NPR2: variants seen among roughly 807,000 people sequenced by gnomAD.
NPR2 encodes natriuretic peptide receptor 2.
NPR2 carries 49 observed loss-of-function variants against 120.7 expected under a neutral mutation model. That is an observed-to-expected ratio of 0.41 (90% CI 0.32 to 0.52). The LOEUF (loss-of-function observed/expected upper bound fraction) is 0.52, where lower values mean the gene tolerates loss of function less well. NPR2 is among the 20% of genes least tolerant of loss of function. The pLI, the probability that NPR2 is intolerant of heterozygous loss-of-function variation, is 0.36. For missense variants in NPR2, 931 were observed against 1,362.9 expected (o/e 0.68, Z 4.99); for synonymous variants, 484 against 519.8 (o/e 0.93, Z 0.94).
In NPR2 at chr9:35,800,732, T is replaced by A. The variant is rs1828119136; in HGVS notation, c.1242T>A (p.Ala414=). Residue 414 remains alanine, a synonymous_variant, in exon 6 of 22, where the codon GCT becomes GCA. Transcript: ENST00000342694. The surrounding 1 kb of genome is among the most constrained non-coding windows in gnomAD (Gnocchi z 4.7). ...AGCCTGCAGCCCACTACTCGGGAGCTGAGAAGCAGATTTGGTGGACGGGAC... is the reference window on the plus strand; with the variant it reads ...AGCCTGCAGCCCACTACTCGGGAGCAGAGAAGCAGATTTGGTGGACGGGAC... ...DFQPAAHYSG[A]EKQIWWTGRP... is the part of the protein sequence containing the mutation. The A allele has an allele frequency of 6.2e-7, 1 of 1,614,030 alleles. No homozygotes were observed. Among genetic ancestry groups the A allele is most frequent in the Non-Finnish European group, 8.5e-7 (1 of 1,180,020 alleles).
At chr9:35,803,780 T>C (rs1270168994) in intron 12 of NPR2, among the ~76,000 whole-genome samples, 2 of 152,270 alleles carry the variant, frequency 1.3e-5, no homozygotes, top group Non-Finnish European at 2.9e-5. Context: ...TTTGGTTTTC[T>C]GCTGAATTCT....
chr9:35,796,879 T>A (rs138056603), intron 2 of NPR2, among the ~76,000 whole-genome samples: 2 of 152,262 alleles, frequency 1.3e-5, no homozygotes, highest in Non-Finnish European at 2.9e-5. Flanking sequence ...CCAGAGACAC[T>A]GGCCCTCTGA....
Position 35,805,664 on chromosome 9 carries a change from T to C in NPR2, c.2041T>C (p.Tyr681His). The C allele has an allele frequency of 1.2e-6, 2 of 1,614,060 alleles. No individual in the cohort carries two copies. The highest frequency in any genetic ancestry group is 1.7e-6 in the Non-Finnish European group (2 of 1,180,030). The change falls in exon 13 of 22, where the codon TAT (tyrosine) becomes CAT (histidine). Residue 681 changes from tyrosine to histidine, a missense_variant. This residue lies in a region of NPR2 where 681 missense variants were observed against 974.3 expected (regional missense o/e 0.70). Transcript: ENST00000342694. This position sits in a 1 kb window ranked among gnomAD's most constrained non-coding sequence, Gnocchi z 4.9. ...TAEPDDSHALYAKKLWTAPEL... is the reference protein window; with the variant it reads ...TAEPDDSHALHAKKLWTAPEL... Reference sequence around the variant, plus strand: ...TGAACCTGATGACAGCCATGCCCTCTATGCCAGTGAGGCCCACCCCCACAA... The same window carrying C: ...TGAACCTGATGACAGCCATGCCCTCCATGCCAGTGAGGCCCACCCCCACAA...
Position 35,805,986 on chromosome 9 carries a change from G to A in NPR2, c.2203+1G>A, listed in dbSNP as rs1828360222. ...GAGGGCCTGGACCTCAGCCCCAAAG[G>A]TAAGAGTCAATCCACTACCCACAGC... On this transcript the variant is annotated splice_donor_variant, in intron 14 of 21. Transcript: ENST00000342694. LOFTEE classifies it high-confidence loss of function. This position sits in a 1 kb window ranked among gnomAD's most constrained non-coding sequence, Gnocchi z 4.9. 1 of 1,614,064 alleles carries A rather than the reference G, an allele frequency of 6.2e-7. No homozygotes were observed.
Position 35,806,054 on chromosome 9 carries a change from A to C in NPR2, c.2204-11A>C. ...ACTCTGTTCTTCATCCAAACCTTTG[A>C]TCACCCTCAGAGATTGTCCAGAAGG... On this transcript the variant is annotated splice_polypyrimidine_tract_variant and intron_variant, in intron 14 of 21. Coordinates refer to ENST00000342694, the MANE Select transcript of NPR2 (RefSeq NM_003995.4). This position sits in a 1 kb window ranked among gnomAD's most constrained non-coding sequence, Gnocchi z 4.6. 1 of 1,614,110 alleles carries C rather than the reference A, an allele frequency of 6.2e-7. No homozygotes were observed. Among genetic ancestry groups the C allele is most frequent in the Non-Finnish European group, 8.5e-7 (1 of 1,180,032 alleles).
Position 35,792,509 on chromosome 9 carries a change from A to G in NPR2, c.101A>G (p.His34Arg), listed in dbSNP as rs764593059. The G allele has an allele frequency of 6.2e-7, 1 of 1,610,576 alleles. No individual in the cohort carries two copies. The highest frequency in any genetic ancestry group is 8.5e-7 in the Non-Finnish European group (1 of 1,179,918). Residue 34 changes from histidine to arginine, a missense_variant, in exon 1 of 22, where the codon CAC (histidine) becomes CGC (arginine). By Grantham distance (29) the His-to-Arg change is conservative. This residue lies in a region of NPR2 where 681 missense variants were observed against 974.3 expected (regional missense o/e 0.70). Coordinates refer to ENST00000342694, the MANE Select transcript of NPR2 (RefSeq NM_003995.4). The part of the protein sequence containing the change: ...NLTLAVVLPE[H>R]NLSYAWAWPR... ...ACGCTGGCGGTGGTGCTGCCAGAAC[A>G]CAACCTGAGCTATGCCTGGGCCTGG...
In NPR2 at chr9:35,792,544, G is replaced by C; in HGVS notation, c.136G>C (p.Gly46Arg). Reference protein sequence around the residue: ...LSYAWAWPRVGPAVALAVEAL... With the variant: ...LSYAWAWPRVRPAVALAVEAL... Reference sequence around the variant, plus strand: ...CTATGCCTGGGCCTGGCCACGGGTGGGACCCGCTGTGGCACTAGCTGTGGA... The same window carrying C: ...CTATGCCTGGGCCTGGCCACGGGTGCGACCCGCTGTGGCACTAGCTGTGGA... The change falls in exon 1 of 22, where the codon GGA becomes CGA. Residue 46 changes from glycine (G) to arginine (R), a missense_variant. Gly to Arg is a moderately radical substitution (Grantham distance 125). Coordinates refer to ENST00000342694, the MANE Select transcript of NPR2 (RefSeq NM_003995.4). The C allele has an allele frequency of 6.2e-7, 1 of 1,611,540 alleles. No individual in the cohort carries two copies. Among genetic ancestry groups the C allele is most frequent in the Non-Finnish European group, 8.5e-7 (1 of 1,179,940 alleles).
At chr9:35,794,235 C>G (rs1827879250) in intron 2 of NPR2, 132 bp downstream of exon 2, 1 of 782,672 alleles carries the variant, frequency 1.3e-6, no homozygotes, top group Non-Finnish European at 2.0e-6. Flanking sequence ...TGAACAGAGG[C>G]ATTCTGAGTC....
Position 35,800,063 on chromosome 9 carries a change from A to G in NPR2, c.1029A>G (p.Leu343=), listed in dbSNP as rs761205421. The change falls in exon 4 of 22, where the codon CTA becomes CTG. Residue 343 remains leucine (L), a synonymous_variant. Transcript: ENST00000342694. This position sits in a 1 kb window ranked among gnomAD's most constrained non-coding sequence, Gnocchi z 4.7. ...IAGCFYDGIL[L]YAEVLNETIQ... is the part of the protein sequence containing the mutation. ...GCTGCTTCTATGATGGGATCCTGCT[A>G]TATGCTGAAGTCCTGAATGAGACAA... 2 of 1,614,172 alleles carry G rather than the reference A, an allele frequency of 1.2e-6. No individual in the cohort carries two copies. Among genetic ancestry groups the G allele is most frequent in the South Asian group, 1.1e-5 (1 of 91,080 alleles).
rs569978848 is a variant in NPR2 at position 35,808,422 on chromosome 9, A to C, written c.2713-87A>C. 6.8e-7 allele frequency: 1 copy of C among 1,468,056 alleles called. No individual in the cohort carries two copies. Among genetic ancestry groups the C allele is most frequent in the Non-Finnish European group, 9.5e-7 (1 of 1,051,814 alleles). 90.9% of individuals were successfully genotyped at this position (1,468,056 alleles called of 1,614,324 possible). On this transcript the variant is annotated intron_variant, in intron 18 of 21. Transcript: ENST00000342694. The surrounding 1 kb of genome is among the most constrained non-coding windows in gnomAD (Gnocchi z 4.0). Reference sequence around the variant, plus strand: ...GGTCTCCAGCATGTCAGGATGATTAATGATGGTGTCAAGCTTGTCTCCCTC... The same window carrying C: ...GGTCTCCAGCATGTCAGGATGATTACTGATGGTGTCAAGCTTGTCTCCCTC...
chr9:35,807,459 AG>A, intron 18 of NPR2, 61 bp downstream of exon 18: 1 of 1,334,828 alleles, frequency 7.5e-7, no homozygotes, highest in East Asian at 2.3e-5. Flanking sequence ...TTTGAAACTC[AG>A]TCTCCCTGAA....
intron 8 of NPR2, 35 bp from the exon 9 acceptor site, chr9:35,801,891 T>G: frequency 6.2e-7 from 1 of 1,611,770 alleles, no homozygotes; most frequent in Non-Finnish European, 8.5e-7. Context: ...AATGTTCCTT[T>G]CATCCTTCCG....
At position 35,792,172 on chromosome 9, in the gene NPR2, C is replaced by A; in HGVS notation, c.-237C>A. 1 of 416,168 alleles carries A rather than the reference C, an allele frequency of 2.4e-6. No homozygotes were observed. Among genetic ancestry groups the A allele is most frequent in the Non-Finnish European group, 4.5e-6 (1 of 224,296 alleles). 25.8% of individuals were successfully genotyped at this position (416,168 alleles called of 1,614,324 possible). On this transcript the variant is annotated 5_prime_UTR_variant, in exon 1 of 22. Transcript: ENST00000342694. The stretch of plus-strand genomic sequence containing the variant: ...CCCTCCCTCCCCCTGCCACCCCGTT[C>A]TCAGTCCTCAGTCCTTGCCCTAGGC...
chr9:35,806,063 A>G lies in NPR2; in HGVS notation c.2204-2A>G. 6.2e-7 allele frequency: 1 copy of G among 1,614,146 alleles called. No individual in the cohort carries two copies. The highest frequency in any genetic ancestry group is 8.5e-7 in the Non-Finnish European group (1 of 1,180,030). ...TTCATCCAAACCTTTGATCACCCTCAGAGATTGTCCAGAAGGTACGAAATG... is the reference window on the plus strand; with the variant it reads ...TTCATCCAAACCTTTGATCACCCTCGGAGATTGTCCAGAAGGTACGAAATG... On this transcript the variant is annotated splice_acceptor_variant, in intron 14 of 21. Coordinates refer to ENST00000342694, the MANE Select transcript of NPR2 (RefSeq NM_003995.4). LOFTEE classifies it high-confidence loss of function. This position sits in a 1 kb window ranked among gnomAD's most constrained non-coding sequence, Gnocchi z 4.6.
At chr9:35,793,193 G>A (rs978280551) in intron 1 of NPR2, 118 bp downstream of exon 1, 1 of 1,148,134 alleles carries the variant, frequency 8.7e-7, no homozygotes, top group African/African-American at 1.6e-5. Context: ...TGGTGGTTGG[G>A]ATCAAGAAGC....
intron 18 of NPR2, among the ~76,000 whole-genome samples, chr9:35,807,615 C>T (rs1160746466): frequency 6.6e-6 from 1 of 152,280 alleles, no homozygotes; most frequent in East Asian, 1.9e-4. Context: ...CTTTGACTTC[C>T]CTAATCAGAA....
In NPR2 at chr9:35,791,629, G is replaced by C. The variant is rs1382114287; in HGVS notation, c.-780G>C. On this transcript the variant is annotated 5_prime_UTR_variant, in exon 1 of 22. Coordinates refer to ENST00000342694, the MANE Select transcript of NPR2 (RefSeq NM_003995.4). ...GGCCGCCGGCGCAGCGAGCGGAGACGGGCCGGGCCGAGGCGACCTGACCCG... is the reference window on the plus strand; with the variant it reads ...GGCCGCCGGCGCAGCGAGCGGAGACCGGCCGGGCCGAGGCGACCTGACCCG... Among the ~76,000 whole-genome samples, 3 of 146,356 alleles carry C rather than the reference G, an allele frequency of 2.0e-5. No individual in the cohort carries two copies. Among genetic ancestry groups the C allele is most frequent in the Non-Finnish European group, 4.6e-5 (3 of 65,770 alleles).
rs865981149 is a variant in NPR2 at position 35,793,806 on chromosome 9, G to A, written c.668-92G>A. On this transcript the variant is annotated intron_variant, in intron 1 of 21. Coordinates refer to ENST00000342694, the MANE Select transcript of NPR2 (RefSeq NM_003995.4). The stretch of plus-strand genomic sequence containing the variant: ...AGGTTAGGGCACTCTCTTTCTTGCT[G>A]AAGAGGGACATCCCAGTGATTCAGA... 2.9e-5 allele frequency: 38 copies of A among 1,297,916 alleles called. No individual in the cohort carries two copies. In the Middle Eastern group the frequency reaches 9.8e-4, roughly 33 times the overall value. 80.4% of individuals were successfully genotyped at this position (1,297,916 alleles called of 1,614,324 possible).
intron 7 of NPR2, 23 bp from the exon 8 acceptor site, chr9:35,801,620 A>G (rs1828165193): frequency 1.2e-6 from 2 of 1,614,076 alleles, no homozygotes; most frequent in Non-Finnish European, 1.7e-6. Flanking sequence ...TTGCCAGTCA[A>G]CTGAGGTGTG....
Sources: gnomAD v4.1 joint callset for allele counts (sites outside exome capture counted in the v4.1 genomes callset) on GRCh38, gnomAD v4.1.1 for gene constraint, gnomAD v4.1.1 regional missense constraint, Gnocchi (gnomAD v3.1) non-coding constraint, MANE v1.5 for transcripts, NCBI Gene and HGNC (gene_info 2026-07-23, HGNC 2026-07-21) for gene names.